CEP128: variants seen among roughly 807,000 people sequenced by gnomAD.
CEP128 encodes the protein centrosomal protein 128.
A neutral mutation model predicts 156.7 loss-of-function variants in CEP128; 132 were observed. The observed-to-expected ratio is 0.84, with a 90% CI of 0.73 to 0.97. The LOEUF is 0.97. Ranked by LOEUF, CEP128 falls within the 50% of genes least tolerant of loss-of-function variation. The pLI is 0.00. For synonymous variants in CEP128, 469 were observed against 448.9 expected (o/e 1.04, Z -0.57); for missense variants, 1,252 against 1,281.9 (o/e 0.98, Z 0.36).
chr14:80,951,694 C>T (rs1157826843), intron 2 of CEP128, among the ~76,000 whole-genome samples: 1 of 151,988 alleles, frequency 6.6e-6, no homozygotes, highest in Non-Finnish European at 1.5e-5. Flanking sequence ...ATGATCTATA[C>T]AAACCAAACA....
At chr14:80,786,297 C>T (rs1901402140) in intron 14 of CEP128, among the ~76,000 whole-genome samples, 1 of 152,020 alleles carries the variant, frequency 6.6e-6, no homozygotes, top group Non-Finnish European at 1.5e-5. Flanking sequence ...GCCAAGGGAG[C>T]CAAGATTGTT....
At position 80,537,234 on chromosome 14, in the gene CEP128, C is replaced by T. The variant is rs565480516; in HGVS notation, c.2881-6348G>A. 9.7e-4 allele frequency among the ~76,000 whole-genome samples: 148 copies of T among 152,206 alleles called. No homozygotes were observed. The Middle Eastern group carries it at 0.014, about 14-fold the overall frequency. Reference sequence around the variant, plus strand: ...ATCTGCCATTTCAAATTACTGCTTTCTTATTTCTACATGTAAGTGAATTAT... The same window carrying T: ...ATCTGCCATTTCAAATTACTGCTTTTTTATTTCTACATGTAAGTGAATTAT... On this transcript the variant is annotated intron_variant, in intron 21 of 24. Coordinates refer to ENST00000555265, the MANE Select transcript of CEP128 (RefSeq NM_152446.5).
chr14:80,525,065 G>A (rs1458015112), intron 23 of CEP128, among the ~76,000 whole-genome samples: 2 of 152,272 alleles, frequency 1.3e-5, no homozygotes, highest in Non-Finnish European at 2.9e-5. Flanking sequence ...AGATAGCACC[G>A]ATTCACCTGA....
chr14:80,504,546 CA>C (rs1288740930), intron 24 of CEP128, among the ~76,000 whole-genome samples: 1 of 152,120 alleles, frequency 6.6e-6, no homozygotes, highest in African/African-American at 2.4e-5. Context: ...ACATATTTCT[CA>C]ACATTTATAT....
intron 15 of CEP128, among the ~76,000 whole-genome samples, chr14:80,779,642 G>C (rs895397010): frequency 6.6e-6 from 1 of 152,114 alleles, no homozygotes; most frequent in Non-Finnish European, 1.5e-5. Context: ...TGTCTCATTT[G>C]ATAGCTTGAA....
intron 23 of CEP128, among the ~76,000 whole-genome samples, chr14:80,509,251 T>C (rs963203133): frequency 2.4e-4 from 36 of 152,202 alleles, no homozygotes; most frequent in African/African-American, 6.3e-4. Context: ...TGTACTAATA[T>C]ACATTCCAAC....
intron 1 of CEP128, among the ~76,000 whole-genome samples, chr14:80,940,872 T>TA (rs1257287108): frequency 6.6e-6 from 1 of 152,148 alleles, no homozygotes; most frequent in African/African-American, 2.4e-5. Flanking sequence ...GCATAATTAA[T>TA]AAAAAATAAA....
chr14:80,884,276 T>C (rs1486575900), intron 8 of CEP128, among the ~76,000 whole-genome samples: 3 of 152,146 alleles, frequency 2.0e-5, no homozygotes, highest in African/African-American at 4.8e-5. Flanking sequence ...TTAGCAATCA[T>C]CAAAATGAAG....
chr14:80,497,821 A>C (rs4903917), intron 24 of CEP128, among the ~76,000 whole-genome samples: 1 of 152,120 alleles, frequency 6.6e-6, no homozygotes, highest in Non-Finnish European at 1.5e-5. Context: ...AGAGTAAAAA[A>C]TGTGTGCTTC....
At chr14:80,631,491 A>G (rs1166419298) in intron 19 of CEP128, among the ~76,000 whole-genome samples, 1 of 152,066 alleles carries the variant, frequency 6.6e-6, no homozygotes, top group African/African-American at 2.4e-5. Flanking sequence ...AGTCTTACAT[A>G]CCATTAATAT....
At chr14:80,890,391 G>GAT (rs1461994721) in intron 8 of CEP128, among the ~76,000 whole-genome samples, 1 of 152,152 alleles carries the variant, frequency 6.6e-6, no homozygotes, top group African/African-American at 2.4e-5. Flanking sequence ...GCCCATCAAT[G>GAT]ATAGACTGGA....
At chr14:80,835,650 C>T (rs905720777) in intron 12 of CEP128, among the ~76,000 whole-genome samples, 2 of 152,094 alleles carry the variant, frequency 1.3e-5, no homozygotes, top group Non-Finnish European at 2.9e-5. Context: ...TTTAAATTAA[C>T]ACCTCCACTG....
intron 21 of CEP128, among the ~76,000 whole-genome samples, chr14:80,537,197 A>G (rs1889524301): frequency 6.6e-6 from 1 of 152,230 alleles, no homozygotes; most frequent in Non-Finnish European, 1.5e-5. Flanking sequence ...GAGGAACTAT[A>G]TGAAATACAG....
intron 23 of CEP128, among the ~76,000 whole-genome samples, chr14:80,506,423 T>TC (rs397719472): frequency 1.3e-5 from 2 of 150,864 alleles, no homozygotes; most frequent in East Asian, 1.9e-4. Flanking sequence ...TTTTTTTTTT[T>TC]CAAAGATCAC....
At chr14:80,698,442 C>A (rs1300307586) in intron 19 of CEP128, among the ~76,000 whole-genome samples, 1 of 152,098 alleles carries the variant, frequency 6.6e-6, no homozygotes, top group Non-Finnish European at 1.5e-5. Flanking sequence ...TAGTACTGAT[C>A]ATAATAACCC....
intron 19 of CEP128, among the ~76,000 whole-genome samples, chr14:80,621,173 C>G (rs1893462393): frequency 6.6e-6 from 1 of 152,038 alleles, no homozygotes; most frequent in Admixed American, 6.6e-5. Context: ...TAAAATATCT[C>G]ATAATTTTTT....
chr14:80,706,039 C>G (rs1485094722), intron 19 of CEP128, among the ~76,000 whole-genome samples: 2 of 152,054 alleles, frequency 1.3e-5, no homozygotes, highest in African/African-American at 4.8e-5. Flanking sequence ...CCACTGATGA[C>G]CATTAGTAAA....
chr14:80,923,391 T>G (rs149745732), intron 2 of CEP128, among the ~76,000 whole-genome samples: 1 of 152,230 alleles, frequency 6.6e-6, no homozygotes, highest in South Asian at 2.1e-4. Context: ...TCTTTTGTTA[T>G]TTGACCTAAA....
intron 8 of CEP128, among the ~76,000 whole-genome samples, chr14:80,883,636 G>A (rs929591837): frequency 6.6e-6 from 1 of 151,938 alleles, no homozygotes; most frequent in Non-Finnish European, 1.5e-5. Flanking sequence ...TAGACTAGAA[G>A]AATCAATATT....
Sources: gnomAD v4.1 joint callset for allele counts (sites outside exome capture counted in the v4.1 genomes callset) on GRCh38, gnomAD v4.1.1 for gene constraint, MANE v1.5 for transcripts, NCBI Gene and HGNC (gene_info 2026-07-23, HGNC 2026-07-21) for gene names.